The following CTNNA3 variants were observed in gnomAD, a reference collection of about 807,000 sequenced individuals.
CTNNA3 encodes the protein catenin alpha-3.
Under a neutral mutation model 95.7 loss-of-function variants are expected in CTNNA3, and 76 were observed. That is an observed-to-expected ratio of 0.79 (90% confidence interval 0.66 to 0.96). CTNNA3 has a LOEUF of 0.96. Among genes scored for constraint, CTNNA3 ranks in the 40% least tolerant of loss-of-function variants. CTNNA3 has a pLI of 0.00. For missense variants in CTNNA3, 1,191 were observed against 1,089.8 expected, an observed-to-expected ratio of 1.09 and a Z score of -1.31; for synonymous variants, 431 against 374.4, an observed-to-expected ratio of 1.15 and a Z score of -1.74.
chr10:66,510,228 G>A (rs1303864278), intron 11 of CTNNA3, among the ~76,000 whole-genome samples: 1 of 151,596 alleles, frequency 6.6e-6, no homozygotes, highest in African/African-American at 2.4e-5. Flanking sequence ...AATTATTTTT[G>A]TATGTTGATT....
At chr10:67,462,379 C>G (rs1847410088) in intron 5 of CTNNA3, among the ~76,000 whole-genome samples, 1 of 152,180 alleles carries the variant, frequency 6.6e-6, no homozygotes, top group Non-Finnish European at 1.5e-5. Flanking sequence ...TTTGTCTTGC[C>G]TGTTAAAAAC....
chr10:66,855,907 T>C (rs993368831), intron 7 of CTNNA3, among the ~76,000 whole-genome samples: 5 of 152,010 alleles, frequency 3.3e-5, no homozygotes, highest in Non-Finnish European at 5.9e-5. Flanking sequence ...AATATCAAAG[T>C]AGTGGTCAAC....
chr10:67,494,929 A>G (rs907534423), intron 5 of CTNNA3, among the ~76,000 whole-genome samples: 3 of 152,344 alleles, frequency 2.0e-5, no homozygotes, highest in Admixed American at 1.3e-4. Flanking sequence ...AAACATTCCC[A>G]GTTAAATTTC....
At chr10:67,285,856 G>T (rs1839578090) in intron 5 of CTNNA3, among the ~76,000 whole-genome samples, 1 of 152,112 alleles carries the variant, frequency 6.6e-6, no homozygotes, top group Admixed American at 6.6e-5. Flanking sequence ...AGGACTCAAT[G>T]CAAAGTAAGA....
At chr10:67,320,756 T>C (rs1324299851) in intron 5 of CTNNA3, among the ~76,000 whole-genome samples, 1 of 152,206 alleles carries the variant, frequency 6.6e-6, no homozygotes, top group African/African-American at 2.4e-5. Flanking sequence ...GTGCAAATCA[T>C]ACAGGTCTTA....
chr10:66,914,090 A>C (rs1846355092), intron 7 of CTNNA3, among the ~76,000 whole-genome samples: 1 of 151,212 alleles, frequency 6.6e-6, no homozygotes, highest in Non-Finnish European at 1.5e-5. Flanking sequence ...TGCTAACACA[A>C]AATCCACCAC....
At chr10:67,004,700 T>A (rs974403909) in intron 7 of CTNNA3, among the ~76,000 whole-genome samples, 1 of 152,212 alleles carries the variant, frequency 6.6e-6, no homozygotes, top group Non-Finnish European at 1.5e-5. Context: ...TTCAAAAGAC[T>A]AGTATACTCA....
chr10:67,546,777 T>C (rs1410833132), intron 3 of CTNNA3, among the ~76,000 whole-genome samples: 1 of 152,192 alleles, frequency 6.6e-6, no homozygotes, highest in Non-Finnish European at 1.5e-5. Context: ...AAAATAAACC[T>C]TATAACTAAG....
chr10:65,927,337 T>C (rs1269681654), intron 17 of CTNNA3, among the ~76,000 whole-genome samples: 2 of 152,218 alleles, frequency 1.3e-5, no homozygotes, highest in Admixed American at 1.3e-4. Context: ...GCTTTGTTTA[T>C]GACGTATAAT....
intron 6 of CTNNA3, among the ~76,000 whole-genome samples, chr10:67,194,871 T>G (rs1487418749): frequency 2.5e-4 from 32 of 127,842 alleles, no homozygotes; most frequent in Admixed American, 2.4e-3. Flanking sequence ...CTAAAACTGC[T>G]CTAAAATAAA....
Position 66,984,678 on chromosome 10 carries a change from T to G in CTNNA3, c.1047+195639A>C, listed in dbSNP as rs1462148128. Among the ~76,000 whole-genome samples the G allele has an allele frequency of 2.6e-5, 4 of 152,184 alleles. No individual in the cohort carries two copies. In the East Asian group the frequency reaches 7.7e-4, roughly 29 times the overall value. ...GTTTTACCCTCTTAATTTTCATTCC[T>G]TTATGCTTTTTTTCTTGTATGTACT... On this transcript the variant is annotated intron_variant, in intron 7 of 17. Transcript: ENST00000433211.
intron 7 of CTNNA3, among the ~76,000 whole-genome samples, chr10:67,005,921 G>C (rs1851959035): frequency 6.6e-6 from 1 of 151,576 alleles, no homozygotes; most frequent in South Asian, 2.1e-4. Context: ...CCTGTTCTCA[G>C]GTGACCTGCC....
chr10:67,315,374 A>G (rs1380348032), intron 5 of CTNNA3, among the ~76,000 whole-genome samples: 1 of 152,156 alleles, frequency 6.6e-6, no homozygotes, highest in Non-Finnish European at 1.5e-5. Context: ...CCTCTCATTA[A>G]TCTATCCACT....
intron 5 of CTNNA3, among the ~76,000 whole-genome samples, chr10:67,447,347 A>G (rs1846792897): frequency 1.3e-5 from 2 of 152,228 alleles, no homozygotes. Context: ...ATCTTTCAGT[A>G]GATTGCCTAT....
At chr10:66,225,442 G>A (rs1325948104) in intron 13 of CTNNA3, among the ~76,000 whole-genome samples, 4 of 136,694 alleles carry the variant, frequency 2.9e-5, no homozygotes, top group East Asian at 2.2e-4. Context: ...GTATTCCATC[G>A]TGTATATATA....
At chr10:66,587,436 A>G (rs1200718003) in intron 10 of CTNNA3, among the ~76,000 whole-genome samples, 1 of 152,044 alleles carries the variant, frequency 6.6e-6, no homozygotes, top group Non-Finnish European at 1.5e-5. Context: ...GGTAATGGGT[A>G]GGGCCATGGA....
At chr10:66,630,649 A>G (rs1353338855) in intron 9 of CTNNA3, among the ~76,000 whole-genome samples, 1 of 152,128 alleles carries the variant, frequency 6.6e-6, no homozygotes, top group East Asian at 1.9e-4. Flanking sequence ...TCTGCTTCTG[A>G]TAATTGCAGA....
chr10:67,450,912 T>A (rs1846955294), intron 5 of CTNNA3, among the ~76,000 whole-genome samples: 1 of 152,000 alleles, frequency 6.6e-6, no homozygotes, highest in Non-Finnish European at 1.5e-5. Flanking sequence ...TATCTATATA[T>A]CTATAGATGG....
At chr10:67,208,102 G>C (rs1863981523) in intron 6 of CTNNA3, among the ~76,000 whole-genome samples, 1 of 152,134 alleles carries the variant, frequency 6.6e-6, no homozygotes, top group African/African-American at 2.4e-5. Flanking sequence ...GCCAGGCGCG[G>C]TGGCTCATGC....
Sources: gnomAD v4.1 joint callset for allele counts (sites outside exome capture counted in the v4.1 genomes callset) on GRCh38, gnomAD v4.1.1 for gene constraint, MANE v1.5 for transcripts, NCBI Gene and HGNC (gene_info 2026-07-23, HGNC 2026-07-21) for gene names.